The following NDUFS2 variants were observed in gnomAD, a reference collection of about 807,000 sequenced individuals.
The protein encoded by NDUFS2 is NADH dehydrogenase [ubiquinone] iron-sulfur protein 2, mitochondrial.
NDUFS2 carries 38 observed loss-of-function variants against 69.6 expected under a neutral mutation model. The observed-to-expected ratio is 0.55, with a 90% CI of 0.42 to 0.72. The LOEUF (loss-of-function observed/expected upper bound fraction) is 0.72. Ranked by LOEUF, NDUFS2 falls within the 30% of genes least tolerant of loss-of-function variation. The probability of loss-of-function intolerance (pLI) is 0.00; values close to 1 mark genes in which losing one functional copy is unlikely to be tolerated. For synonymous variants in NDUFS2, 194 were observed against 211.2 expected, an observed-to-expected ratio of 0.92 and a Z score of 0.70; for missense variants, 468 against 595.0, an observed-to-expected ratio of 0.79 and a Z score of 2.22.
At chr1:161,211,631 CAGA>C (rs1057425280) in intron 9 of NDUFS2, among the ~76,000 whole-genome samples, 3 of 152,146 alleles carry the variant, frequency 2.0e-5, no homozygotes, top group African/African-American at 4.8e-5. Flanking sequence ...GCCTGGGCGA[CAGA>C]GCGAGACTCT....
chr1:161,209,280 A>G lies in NDUFS2; in HGVS notation c.481A>G (p.Ile161Val). The change falls in exon 4 of 14, where the codon ATC becomes GTC. Residue 161 changes from isoleucine (I) to valine (V), a missense_variant. By Grantham distance (29) the Ile-to-Val change is conservative. Transcript: ENST00000676972. The part of the protein sequence containing the change: ...YSLAVEKLLN[I>V]RPPPRAQWIR... The stretch of plus-strand genomic sequence containing the variant: ...TCTAGCTGTGGAGAAGTTGCTAAAC[A>G]TCCGGCCTCCTCCTCGGGCACAGTG... The G allele has an allele frequency of 6.2e-7, 1 of 1,614,058 alleles. No homozygotes were observed. The highest frequency in any genetic ancestry group is 1.1e-5 in the South Asian group (1 of 91,078).
chr1:161,198,182 A>G (rs562873566), upstream of NDUFS2: 1 of 1,614,068 alleles, frequency 6.2e-7, no homozygotes, highest in Non-Finnish European at 8.5e-7. The surrounding 1 kb of genome is among the most constrained non-coding windows in gnomAD (Gnocchi z 4.7). Flanking sequence ...CACGCCTAAC[A>G]GGGCTCCCCC....
At chr1:161,210,944 G>A (rs1051290624) in intron 9 of NDUFS2, among the ~76,000 whole-genome samples, 3 of 152,042 alleles carry the variant, frequency 2.0e-5, no homozygotes, top group Admixed American at 1.3e-4. Flanking sequence ...GTGCAATCTC[G>A]GCTCACTGCA....
Position 161,214,295 on chromosome 1 carries a change from GTGTGTA to G in NDUFS2, c.*106_*111del. The G allele has an allele frequency of 9.0e-7, 1 of 1,112,826 alleles. No individual in the cohort carries two copies. Among genetic ancestry groups the G allele is most frequent in the Non-Finnish European group, 1.4e-6 (1 of 737,544 alleles). 68.9% of individuals were successfully genotyped at this position (1,112,826 alleles called of 1,614,324 possible). A position where few individuals can be genotyped will look rare whatever the true frequency, so the allele number is the denominator to read the frequency against. ...TGTGTGTGTGTGTGTGTGTGTGTGT[GTGTGTA>G]TGTTCATGTACACTTGGCTGTCAGG... On this transcript the variant is annotated 3_prime_UTR_variant, in exon 14 of 14. Coordinates refer to ENST00000676972, the MANE Select transcript of NDUFS2 (RefSeq NM_001377299.1).
chr1:161,212,010 T>G (rs1665793523), intron 9 of NDUFS2, among the ~76,000 whole-genome samples: 2 of 151,890 alleles, frequency 1.3e-5, no homozygotes, highest in South Asian at 4.1e-4. Flanking sequence ...GCTCAGGAGT[T>G]GGAGATCAGC....
At chr1:161,202,365 G>A, upstream of NDUFS2, 3 of 1,603,480 alleles carry the variant, frequency 1.9e-6, no homozygotes, top group South Asian at 1.1e-5. Context: ...TCTCCTTCCC[G>A]CAGTCTGCAG....
chr1:161,206,550 C>T lies in NDUFS2; in HGVS notation c.346C>T (p.Leu116=), dbSNP rs1665476447. ...GAAGTGTGATCCTCACATCGGGCTC[C>T]TGCACCGAGGCACTGAGAAGCTCAT... ...VRKCDPHIGL[L]HRGTEKLIEY... Residue 116 remains leucine, a synonymous_variant, in exon 3 of 14, where the codon CTG becomes TTG. Transcript: ENST00000676972. 6.2e-7 allele frequency: 1 copy of T among 1,614,158 alleles called. No homozygotes were observed. Among genetic ancestry groups the T allele is most frequent in the East Asian group, 2.2e-5 (1 of 44,894 alleles).
chr1:161,209,602 G>A lies in NDUFS2; in HGVS notation c.627+7G>A. On this transcript the variant is annotated splice_region_variant and intron_variant, in intron 5 of 13. Coordinates refer to ENST00000676972, the MANE Select transcript of NDUFS2 (RefSeq NM_001377299.1). ...GTTTGAAGAAAGGGAGAAGGTAAGA[G>A]TGGGAGGAAAGGATAGGAATAGGGA... is the stretch of plus-strand genomic sequence containing the variant. 2 of 1,603,532 alleles carry A rather than the reference G, an allele frequency of 1.2e-6. No homozygotes were observed. The highest frequency in any genetic ancestry group is 1.7e-6 in the Non-Finnish European group (2 of 1,174,788).
intron 9 of NDUFS2, among the ~76,000 whole-genome samples, 181 bp downstream of exon 9, chr1:161,210,891 T>A (rs567297518): frequency 2.2e-4 from 33 of 152,360 alleles, no homozygotes; most frequent in African/African-American, 7.2e-4. Flanking sequence ...TTTTCTTTTT[T>A]GAGACGGAGT....
intron 1 of NDUFS2, 131 bp from the exon 2 acceptor site, chr1:161,203,306 C>A: frequency 1.3e-6 from 1 of 776,336 alleles, no homozygotes; most frequent in Non-Finnish European, 2.2e-6. Flanking sequence ...AACCCAGTCT[C>A]AAAAAAAACA....
Position 161,210,726 on chromosome 1 carries a change from T to A in NDUFS2, c.986+16T>A. The A allele has an allele frequency of 2.5e-6, 4 of 1,614,018 alleles. No homozygotes were observed. Among genetic ancestry groups the A allele is most frequent in the Non-Finnish European group, 3.4e-6 (4 of 1,179,918 alleles). ...GCTATGATAGGTAAGGCCCCAATCC[T>A]TTCTTGGCTGATATTCCAGCTAGTT... On this transcript the variant is annotated intron_variant, in intron 9 of 13. Coordinates refer to ENST00000676972, the MANE Select transcript of NDUFS2 (RefSeq NM_001377299.1).
chr1:161,200,999 C>T (rs115411586), upstream of NDUFS2, among the ~76,000 whole-genome samples: 4,052 of 152,304 alleles, frequency 0.027, 75 homozygotes, highest in Admixed American at 0.045. Context: ...CTGACTTCTC[C>T]CAGGCTGGAT....
rs763839215 is a variant in NDUFS2, at chr1:161,214,207, G to A, written c.*14G>A. 1.2e-5 allele frequency: 20 copies of A among 1,608,204 alleles called. No individual in the cohort carries two copies. Among genetic ancestry groups the A allele is most frequent in the Admixed American group, 1.0e-4 (6 of 59,964 alleles). ...GTAGATCGGTGAGCAGGGGAGCAGC[G>A]TTTGATCCCCCCTGCCTATCAGCTT... On this transcript the variant is annotated 3_prime_UTR_variant, in exon 14 of 14. Coordinates refer to ENST00000676972, the MANE Select transcript of NDUFS2 (RefSeq NM_001377299.1).
At chr1:161,209,968 A>C (rs1360678689) in intron 6 of NDUFS2, 37 bp downstream of exon 6, 1 of 1,612,698 alleles carries the variant, frequency 6.2e-7, no homozygotes, top group Non-Finnish European at 8.5e-7. Flanking sequence ...TGTCCAGCCC[A>C]GGCCTATTTT....
In NDUFS2 at chr1:161,206,536, C is replaced by T. The variant is rs1283840300; in HGVS notation, c.332C>T (p.Pro111Leu). Residue 111 changes from proline (P) to leucine (L), a missense_variant, in exon 3 of 14, where the codon CCT (proline) becomes CTT (leucine). Transcript: ENST00000676972. ...GGGGAGATGGTGCGGAAGTGTGATC[C>T]TCACATCGGGCTCCTGCACCGAGGC... ...LSGEMVRKCD[P>L]HIGLLHRGTE... The T allele has an allele frequency of 1.2e-6, 2 of 1,614,070 alleles. No individual in the cohort carries two copies. Among genetic ancestry groups the T allele is most frequent in the Non-Finnish European group, 1.7e-6 (2 of 1,180,052 alleles).
chr1:161,208,637 C>T (rs537478387), intron 3 of NDUFS2, among the ~76,000 whole-genome samples: 2 of 152,364 alleles, frequency 1.3e-5, no homozygotes, highest in African/African-American at 4.8e-5. Context: ...CTAGCTCATA[C>T]GGGCTTGCAA....
chr1:161,205,307 C>G (rs1050985034), intron 2 of NDUFS2, among the ~76,000 whole-genome samples: 1 of 152,162 alleles, frequency 6.6e-6, no homozygotes, highest in African/African-American at 2.4e-5. Flanking sequence ...ACCACTACCC[C>G]CTACTTTGTC....
In NDUFS2 at chr1:161,214,212, A is replaced by AT. The variant is rs755708946; in HGVS notation, c.*20dup. On this transcript the variant is annotated 3_prime_UTR_variant, in exon 14 of 14. Coordinates refer to ENST00000676972, the MANE Select transcript of NDUFS2 (RefSeq NM_001377299.1). ...TCGGTGAGCAGGGGAGCAGCGTTTGATCCCCCCTGCCTATCAGCTTCTTCT... is the reference window on the plus strand; with the variant it reads ...TCGGTGAGCAGGGGAGCAGCGTTTGATTCCCCCCTGCCTATCAGCTTCTTCT... The AT allele has an allele frequency of 3.1e-6, 5 of 1,603,484 alleles. No homozygotes were observed. In the East Asian group the frequency reaches 8.9e-5, roughly 29 times the overall value.
chr1:161,214,217 C>T lies in NDUFS2; in HGVS notation c.*24C>T. 3 of 1,600,994 alleles carry T rather than the reference C, an allele frequency of 1.9e-6. No homozygotes were observed. The highest frequency in any genetic ancestry group is 2.6e-6 in the Non-Finnish European group (3 of 1,168,332). On this transcript the variant is annotated 3_prime_UTR_variant, in exon 14 of 14. Transcript: ENST00000676972. ...GAGCAGGGGAGCAGCGTTTGATCCC[C>T]CCTGCCTATCAGCTTCTTCTGTGGA...
Sources: allele counts gnomAD v4.1 joint callset (sites outside exome capture counted in the v4.1 genomes callset), GRCh38; gene constraint gnomAD v4.1.1; non-coding constraint Gnocchi (gnomAD v3.1); transcripts MANE v1.5; gene names NCBI Gene and HGNC (gene_info 2026-07-23, HGNC 2026-07-21).